The following SPTBN5 variants were observed in gnomAD, a reference collection of about 807,000 sequenced individuals.
SPTBN5 encodes spectrin beta chain, non-erythrocytic 5.
Under a neutral mutation model 477.6 loss-of-function variants are expected in SPTBN5, and 513 were observed. The ratio of observed to expected loss-of-function variants is 1.07; its 90% CI spans 1.00 to 1.16. The LOEUF is 1.16. SPTBN5 is among the 50% of genes most tolerant of loss of function. The pLI is 0.00. For missense variants in SPTBN5, 5,062 were observed against 4,731.8 expected (o/e 1.07, Z -2.05); for synonymous variants, 2,169 against 2,011.7 (o/e 1.08, Z -2.09).
rs752311066 is a variant in SPTBN5 at position 41,878,358 on chromosome 15, G to A, written c.3454C>T (p.His1152Tyr). 9 of 1,613,550 alleles carry A rather than the reference G, an allele frequency of 5.6e-6. No individual in the cohort carries two copies. In the East Asian group the frequency reaches 1.3e-4, roughly 24 times the overall value. ...REHQDLLEEI[H>Y]LWQERLQQLD... ...TGTCCTGACCTCTCCTGCCACAGGT[G>A]GATCTCCTCCAGCAGGTCTTGGTGC... The change falls in exon 17 of 68, where the codon CAC (histidine) becomes TAC (tyrosine). Residue 1152 changes from histidine to tyrosine, a missense_variant. Coordinates refer to ENST00000320955, the MANE Select transcript of SPTBN5 (RefSeq NM_016642.4).
At chr15:41,891,328 T>C (rs1409963608) in intron 3 of SPTBN5, among the ~76,000 whole-genome samples, 2 of 152,174 alleles carry the variant, frequency 1.3e-5, no homozygotes, top group Non-Finnish European at 2.9e-5. Flanking sequence ...GGAGCTGCAA[T>C]CCTGGGTGTC....
chr15:41,877,232 G>C lies in SPTBN5; in HGVS notation c.3595C>G (p.Gln1199Glu). The C allele has an allele frequency of 6.2e-7, 1 of 1,613,996 alleles. No individual in the cohort carries two copies. Among genetic ancestry groups the C allele is most frequent in the Non-Finnish European group, 8.5e-7 (1 of 1,179,906 alleles). ...CCCTCTTGCAGCCACTGCTGCCTCT[G>C]CTCCCACAAAACCTTCAGCTCCTGG... is the stretch of plus-strand genomic sequence containing the variant. ...QGQELKVLWE[Q>E]RQQWLQEGLE... Residue 1199 changes from glutamine to glutamate, a missense_variant, in exon 18 of 68, where the codon CAG becomes GAG. Coordinates refer to ENST00000320955, the MANE Select transcript of SPTBN5 (RefSeq NM_016642.4).
In SPTBN5 at chr15:41,883,448, T is replaced by C. The variant is rs2067045317; in HGVS notation, c.1559A>G (p.Gln520Arg). 4.3e-6 allele frequency: 7 copies of C among 1,613,960 alleles called. No homozygotes were observed. Among genetic ancestry groups the C allele is most frequent in the Non-Finnish European group, 5.1e-6 (6 of 1,179,874 alleles). The change falls in exon 8 of 68, where the codon CAG becomes CGG. Residue 520 changes from glutamine to arginine, a missense_variant. Transcript: ENST00000320955. Reference sequence around the variant, plus strand: ...CTGCTTCCTCTGTCCCTGTAGATGCTGAAGGAGCCTCTGCCAGCGCACGGT... The same window carrying C: ...CTGCTTCCTCTGTCCCTGTAGATGCCGAAGGAGCCTCTGCCAGCGCACGGT... ...EVTVRWQRLL[Q>R]HLQGQRKQVA...
chr15:41,850,985 C>A (rs780839357), intron 65 of SPTBN5, 46 bp from the exon 66 acceptor site: 2 of 1,587,978 alleles, frequency 1.3e-6, no homozygotes, highest in Non-Finnish European at 1.7e-6. Flanking sequence ...CCTTTGGGGA[C>A]CCCCACGCCT....
chr15:41,868,517 G>T lies in SPTBN5; in HGVS notation c.5938C>A (p.Leu1980Met). The change falls in exon 33 of 68, where the codon CTG becomes ATG. Residue 1980 changes from leucine to methionine, a missense_variant. Leu to Met is a conservative substitution (Grantham distance 15). Transcript: ENST00000320955. ...ESSQEPSSGP[L>M]KLSAHQWLRA... is the part of the protein sequence containing the mutation. ...AGCCACTGGTGGGCACTGAGCTTCA[G>T]CGGGCCACTGCTAGGCTCTTGCGAA... 6 of 1,609,732 alleles carry T rather than the reference G, an allele frequency of 3.7e-6. No homozygotes were observed. The highest frequency in any genetic ancestry group is 5.1e-6 in the Non-Finnish European group (6 of 1,179,768).
chr15:41,871,814 C>T lies in SPTBN5; in HGVS notation c.5269G>A (p.Glu1757Lys), dbSNP rs2066548142. The T allele has an allele frequency of 1.9e-6, 3 of 1,592,392 alleles. No homozygotes were observed. The highest frequency in any genetic ancestry group is 4.6e-5 in the East Asian group (2 of 43,532). Residue 1757 changes from glutamate (E) to lysine (K), a missense_variant, in exon 28 of 68, where the codon GAG becomes AAG. Transcript: ENST00000320955. Reference protein sequence around the residue: ...ASQKQAAKGGESLGEDPEHAL... With the variant: ...ASQKQAAKGGKSLGEDPEHAL... Reference sequence around the variant, plus strand: ...TGCTCGGGGTCCTCTCCCAGGCTCTCCCCTCCTTTGGCTGCCTGCTTCTGG... The same window carrying T: ...TGCTCGGGGTCCTCTCCCAGGCTCTTCCCTCCTTTGGCTGCCTGCTTCTGG...
intron 43 of SPTBN5, 43 bp downstream of exon 43, chr15:41,862,496 G>A (rs2066146022): frequency 6.4e-7 from 1 of 1,570,040 alleles, no homozygotes; most frequent in Admixed American, 1.8e-5. Context: ...GGACTGAGAT[G>A]CTGGAGGATG....
At chr15:41,890,246 T>A (rs777158056) in intron 3 of SPTBN5, 41 bp from the exon 4 acceptor site, 1 of 1,405,538 alleles carries the variant, frequency 7.1e-7, no homozygotes, top group Non-Finnish European at 1.0e-6. Flanking sequence ...GAAGCCCATG[T>A]CCAGAGAGGA....
chr15:41,856,496 C>T lies in SPTBN5; in HGVS notation c.8911G>A (p.Ala2971Thr), dbSNP rs61733874. 9.0e-5 allele frequency: 144 copies of T among 1,597,438 alleles called. No individual in the cohort carries two copies. Among genetic ancestry groups the T allele is most frequent in the Middle Eastern group, 5.1e-4 (3 of 5,868 alleles). The change falls in exon 53 of 68, where the codon GCC becomes ACC. Residue 2971 changes from alanine (A) to threonine (T), a missense_variant. Transcript: ENST00000320955. ...QAGHFAAHEV[A>T]ARVQQLEKAM... ...TTCTCCAGCTGCTGCACCCGGGCGG[C>T]CACCTCGTGGGCGGCAAAGTGCCCA...
chr15:41,874,939 GGCTCT>G lies in SPTBN5; in HGVS notation c.4400_4404del (p.Glu1467AlafsTer148), dbSNP rs757825797. The G allele has an allele frequency of 7.4e-6, 12 of 1,613,386 alleles. No homozygotes were observed. Among genetic ancestry groups the G allele is most frequent in the Non-Finnish European group, 1.0e-5 (12 of 1,179,868 alleles). ...GCAGCCATCTTGGCAGCCAGGGTCC[GGCTCT>G]CACTCTCCAGCTGTTGGTGCCGTTT... is the stretch of plus-strand genomic sequence containing the variant. On this transcript the variant is annotated frameshift_variant, in exon 23 of 68. Coordinates refer to ENST00000320955, the MANE Select transcript of SPTBN5 (RefSeq NM_016642.4). LOFTEE classifies it high-confidence loss of function.
rs200257713 is a variant in SPTBN5, at chr15:41,887,293, T to C, written c.808A>G (p.Ile270Val). The C allele has an allele frequency of 4.5e-4, 691 of 1,551,258 alleles. No homozygotes were observed. The highest frequency in any genetic ancestry group is 5.9e-4 in the Non-Finnish European group (671 of 1,147,000). The change falls in exon 6 of 68, where the codon ATC (isoleucine) becomes GTC (valine). Residue 270 changes from isoleucine (I) to valine (V), a missense_variant. Ile to Val is a conservative substitution (Grantham distance 29). Transcript: ENST00000320955. ...TAGTAGAGGGAGACGTAGGTCATGA[T>C]AGAGCGCTCATCTGGCTGTGCGGCT... ...VAAAQPDERS[I>V]MTYVSLYYHY...
chr15:41,851,694 G>T (rs929291625), intron 63 of SPTBN5, 85 bp downstream of exon 63: 8 of 1,033,266 alleles, frequency 7.7e-6, no homozygotes, highest in African/African-American at 1.6e-5. Context: ...CAGTGCAAGG[G>T]TGCCAGGCCC....
rs1242806368 is a variant in SPTBN5, at chr15:41,887,386, CA to C, written c.714del (p.Ala239LeufsTer33). 2 of 1,554,318 alleles carry C rather than the reference CA, an allele frequency of 1.3e-6. No homozygotes were observed. The highest frequency in any genetic ancestry group is 1.7e-6 in the Non-Finnish European group (2 of 1,148,952). On this transcript the variant is annotated frameshift_variant, in exon 6 of 68. Coordinates refer to ENST00000320955, the MANE Select transcript of SPTBN5 (RefSeq NM_016642.4). LOFTEE classifies it high-confidence loss of function. ...SLRPDRPLHNLAFAFLVAEQE... is the reference protein window; with the variant it reads ...SLRPDRPLHNXAFAFLVAEQE... ...TGCTCAGCCACCAGGAAAGCAAAAG[CA>C]AGGTTGTGCAGTGGGCGGTCTGGAC... is the stretch of plus-strand genomic sequence containing the variant.
chr15:41,855,742 G>A lies in SPTBN5; in HGVS notation c.9025C>T (p.Leu3009=), dbSNP rs776978734. The A allele has an allele frequency of 1.9e-6, 3 of 1,577,372 alleles. No homozygotes were observed. The highest frequency in any genetic ancestry group is 2.3e-5 in the East Asian group (1 of 43,680). ...QEAQQFLTEL[L]EAGSWLAERG... is the part of the protein sequence containing the mutation. ...TCAGCCAGCCAGGATCCCGCCTCCA[G>A]GAGCTGGGGGTGACAGAGTGGAGAT... The change falls in exon 54 of 68, where the codon CTG becomes TTG. Residue 3009 remains leucine (L), a synonymous_variant. Transcript: ENST00000320955.
intron 67 of SPTBN5, among the ~76,000 whole-genome samples, 197 bp downstream of exon 67, chr15:41,849,670 GTC>G (rs2065683513): frequency 6.6e-6 from 1 of 152,206 alleles, no homozygotes; most frequent in Non-Finnish European, 1.5e-5. Flanking sequence ...CCACTGTAGA[GTC>G]TGTGGAAATC....
chr15:41,884,489 T>C (rs149692389), intron 7 of SPTBN5, among the ~76,000 whole-genome samples: 2 of 152,308 alleles, frequency 1.3e-5, no homozygotes, highest in African/African-American at 2.4e-5. Flanking sequence ...TGGCACTACC[T>C]GCAAAATCTA....
chr15:41,855,226 T>C lies in SPTBN5; in HGVS notation c.9421A>G (p.Lys3141Glu). 6.2e-7 allele frequency: 1 copy of C among 1,609,148 alleles called. No individual in the cohort carries two copies. Among genetic ancestry groups the C allele is most frequent in the East Asian group, 2.2e-5 (1 of 44,762 alleles). The change falls in exon 55 of 68, where the codon AAG (lysine) becomes GAG (glutamate). Residue 3141 changes from lysine to glutamate, a missense_variant and splice_region_variant. Physicochemically the swap from Lys to Glu is moderately conservative, Grantham distance 56 (BLOSUM62 1). Coordinates refer to ENST00000320955, the MANE Select transcript of SPTBN5 (RefSeq NM_016642.4). ...AGGTTTGCTCAGGAGTAACTCACCT[T>C]GACACCCTCCAGGTCCTGCCCGTAG... ...QDYGQDLEGVKVLEEKFDAFR... is the reference protein window; with the variant it reads ...QDYGQDLEGVEVLEEKFDAFR...
chr15:41,872,594 A>G, intron 26 of SPTBN5, 135 bp from the exon 27 acceptor site: 1 of 904,508 alleles, frequency 1.1e-6, no homozygotes, highest in South Asian at 1.7e-5. Context: ...ACCTCAACTC[A>G]TTCATCCACC....
intron 67 of SPTBN5, among the ~76,000 whole-genome samples, chr15:41,848,941 G>T (rs571745127): frequency 6.6e-6 from 1 of 152,332 alleles, no homozygotes; most frequent in Admixed American, 6.5e-5. Context: ...CCAGGACAAG[G>T]CCTGTCCCGT....
Sources: allele counts gnomAD v4.1 joint callset (sites outside exome capture counted in the v4.1 genomes callset), GRCh38; gene constraint gnomAD v4.1.1; transcripts MANE v1.5; gene names NCBI Gene and HGNC (gene_info 2026-07-23, HGNC 2026-07-21).